RORA: variants seen among roughly 807,000 people sequenced by gnomAD.
RORA encodes the protein nuclear receptor ROR-alpha.
Under a neutral mutation model 69.5 loss-of-function variants are expected in RORA, and 7 were observed. That is an observed-to-expected ratio of 0.10 (90% CI 0.06 to 0.19). The LOEUF (loss-of-function observed/expected upper bound fraction) is 0.19. RORA is among the 10% of genes least tolerant of loss of function. The pLI, the probability that RORA is intolerant of heterozygous loss-of-function variation, is 1.00. For synonymous variants in RORA, 261 were observed against 240.8 expected, an observed-to-expected ratio of 1.08 and a Z score of -0.78; for missense variants, 457 against 663.0, an observed-to-expected ratio of 0.69 and a Z score of 3.41.
At chr15:60,740,035 C>A (rs373349915) in intron 1 of RORA, among the ~76,000 whole-genome samples, 4 of 152,156 alleles carry the variant, frequency 2.6e-5, no homozygotes, top group African/African-American at 9.7e-5. Context: ...CTTCTCCTCA[C>A]CTGACTCCTC....
chr15:60,582,232 T>C (rs1241799508), intron 2 of RORA, among the ~76,000 whole-genome samples: 1 of 152,212 alleles, frequency 6.6e-6, no homozygotes, highest in Non-Finnish European at 1.5e-5. Flanking sequence ...CTTTCTGTCT[T>C]AAATTTTCAC....
chr15:60,615,366 A>G (rs893592964), intron 2 of RORA, among the ~76,000 whole-genome samples: 1 of 151,966 alleles, frequency 6.6e-6, no homozygotes, highest in Admixed American at 6.6e-5. Context: ...AAAGAATAAC[A>G]CCCCAGCCGG....
chr15:61,143,079 G>A (rs2079315609), intron 1 of RORA, among the ~76,000 whole-genome samples: 1 of 152,078 alleles, frequency 6.6e-6, no homozygotes, highest in Non-Finnish European at 1.5e-5. Flanking sequence ...ATACATATAT[G>A]TACCTAGAAC....
rs551732289 is a variant in RORA, at chr15:60,979,732, G to A, written c.166+249321C>T. ...ACTCTAATAATGTGTGTGTATGTAT[G>A]TGTGTGTGTGTGTGTGCACGTGTGT... On this transcript the variant is annotated intron_variant, in intron 1 of 10. Coordinates refer to ENST00000335670, the MANE Select transcript of RORA (RefSeq NM_134261.3). Among the ~76,000 whole-genome samples the A allele has an allele frequency of 1.2e-3, 180 of 151,294 alleles. 2 individuals are homozygous for A. The highest frequency in any genetic ancestry group is 4.1e-3 in the African/African-American group (170 of 41,278).
At chr15:60,808,223 A>T (rs968086228) in intron 1 of RORA, among the ~76,000 whole-genome samples, 5 of 152,116 alleles carry the variant, frequency 3.3e-5, no homozygotes, top group African/African-American at 1.2e-4. Flanking sequence ...GAGCAAGAAA[A>T]AAACAATCCC....
intron 2 of RORA, among the ~76,000 whole-genome samples, chr15:60,572,668 T>C (rs1203757817): frequency 6.6e-6 from 1 of 152,184 alleles, no homozygotes; most frequent in Non-Finnish European, 1.5e-5. Context: ...AATAATCCAA[T>C]GTGGTTGATG....
intron 2 of RORA, among the ~76,000 whole-genome samples, chr15:60,561,946 T>G (rs1262204377): frequency 6.6e-6 from 1 of 152,110 alleles, no homozygotes; most frequent in Non-Finnish European, 1.5e-5. Flanking sequence ...AAAAAAATTT[T>G]TTTTCTTTTT....
chr15:60,639,219 ATTTTTTTTTTT>A (rs71122868), intron 2 of RORA, among the ~76,000 whole-genome samples: 16 of 131,338 alleles, frequency 1.2e-4, no homozygotes, highest in Admixed American at 2.4e-4. Flanking sequence ...AGGTTTTTGT[ATTTTTTTTTTT>A]TTTTTTTTTG....
chr15:60,804,086 C>T (rs113060589), intron 1 of RORA, among the ~76,000 whole-genome samples: 8 of 152,054 alleles, frequency 5.3e-5, no homozygotes, highest in East Asian at 1.9e-4. Flanking sequence ...GTCGGGAGTT[C>T]GAGACCAGCC....
chr15:60,850,896 A>G (rs923896674), intron 1 of RORA, among the ~76,000 whole-genome samples: 3 of 152,194 alleles, frequency 2.0e-5, no homozygotes, highest in Admixed American at 6.5e-5. Context: ...AGGGACAACA[A>G]CGAAAACAAG....
intron 3 of RORA, among the ~76,000 whole-genome samples, chr15:60,522,139 T>C (rs1043027471): frequency 6.6e-6 from 1 of 152,222 alleles, no homozygotes; most frequent in Admixed American, 6.5e-5. Flanking sequence ...AATCTGTTAT[T>C]ACACATTAAC....
intron 2 of RORA, among the ~76,000 whole-genome samples, chr15:60,542,853 C>T (rs1265084177): frequency 6.6e-6 from 1 of 151,056 alleles, no homozygotes; most frequent in East Asian, 1.9e-4. Context: ...ACGCACCCAC[C>T]CCACATACAT....
intron 1 of RORA, among the ~76,000 whole-genome samples, chr15:60,878,170 CAAAAAAAAAA>C (rs11362081): frequency 7.9e-4 from 55 of 69,686 alleles, no homozygotes; most frequent in African/African-American, 1.1e-3. Context: ...ACTAAAAATA[CAAAAAAAAAA>C]AAAAAAAAAA....
chr15:60,691,855 A>G lies in RORA; in HGVS notation c.167-13169T>C, dbSNP rs572777424. 1.3e-4 allele frequency among the ~76,000 whole-genome samples: 20 copies of G among 152,332 alleles called. No individual in the cohort carries two copies. In the South Asian group the frequency reaches 4.1e-3, roughly 32 times the overall value. ...GCAGATCCCCAACCCAGAAGCTGTA[A>G]AGGTTATAACCCAACTTGTAAAACT... On this transcript the variant is annotated intron_variant, in intron 1 of 10. Transcript: ENST00000335670.
intron 1 of RORA, among the ~76,000 whole-genome samples, chr15:61,204,801 T>C (rs955121979): frequency 2.6e-5 from 4 of 152,180 alleles, no homozygotes; most frequent in South Asian, 2.1e-4. Context: ...GCAAGAGAAA[T>C]TGAGACTGTG....
chr15:61,151,959 C>T (rs149635238), intron 1 of RORA, among the ~76,000 whole-genome samples: 1 of 152,264 alleles, frequency 6.6e-6, no homozygotes, highest in East Asian at 1.9e-4. Flanking sequence ...GCCCACTGTG[C>T]TCTAGAGTTG....
At chr15:61,020,116 T>C (rs1413359472) in intron 1 of RORA, among the ~76,000 whole-genome samples, 1 of 152,212 alleles carries the variant, frequency 6.6e-6, no homozygotes, top group Non-Finnish European at 1.5e-5. Flanking sequence ...GAATGCTGCA[T>C]CTTCCTTCCA....
At chr15:60,658,738 G>C (rs1455394283) in intron 2 of RORA, among the ~76,000 whole-genome samples, 1 of 152,220 alleles carries the variant, frequency 6.6e-6, no homozygotes, top group Non-Finnish European at 1.5e-5. Context: ...ACATGTTACA[G>C]GTAAGTCTGT....
At chr15:60,664,248 G>A (rs1286146635) in intron 2 of RORA, among the ~76,000 whole-genome samples, 3 of 152,114 alleles carry the variant, frequency 2.0e-5, no homozygotes. Flanking sequence ...CTTTTTTGAG[G>A]GGTGTGGGAG....
Sources: allele counts gnomAD v4.1 joint callset (sites outside exome capture counted in the v4.1 genomes callset), GRCh38; gene constraint gnomAD v4.1.1; transcripts MANE v1.5; gene names NCBI Gene and HGNC (gene_info 2026-07-23, HGNC 2026-07-21).